SOS2: variants seen among roughly 807,000 people sequenced by gnomAD.
SOS2 encodes son of sevenless homolog 2.
In SOS2, 65 loss-of-function variants were observed where a neutral mutation model predicts 148.2. That is an observed-to-expected ratio of 0.44 (90% CI 0.36 to 0.54). The LOEUF (loss-of-function observed/expected upper bound fraction) is 0.54, where lower values mean the gene tolerates loss of function less well. Among genes scored for constraint, SOS2 ranks in the 20% least tolerant of loss-of-function variants. The pLI, the probability that SOS2 is intolerant of heterozygous loss-of-function variation, is 0.00. For missense variants in SOS2, 1,341 were observed against 1,590.2 expected, an observed-to-expected ratio of 0.84 and a Z score of 2.67; for synonymous variants, 539 against 537.1, an observed-to-expected ratio of 1.00 and a Z score of -0.05.
chr14:50,170,938 C>A (rs1198214365), intron 8 of SOS2, among the ~76,000 whole-genome samples: 1 of 151,066 alleles, frequency 6.6e-6, no homozygotes, highest in African/African-American at 2.4e-5. Context: ...CATAGTGAAA[C>A]CCTGTCTCTA....
intron 8 of SOS2, 84 bp from the exon 9 acceptor site, chr14:50,161,693 A>G (rs1885013481): frequency 7.9e-7 from 1 of 1,257,946 alleles, no homozygotes; most frequent in Non-Finnish European, 1.1e-6. Flanking sequence ...GCAGCAACAA[A>G]TATTATCAAC....
intron 1 of SOS2, among the ~76,000 whole-genome samples, chr14:50,207,572 A>C (rs1477792776): frequency 6.6e-6 from 1 of 151,732 alleles, no homozygotes; most frequent in African/African-American, 2.4e-5. Context: ...AAAAAGCCTA[A>C]GTAAAGTGTC....
At chr14:50,135,299 A>G (rs1360007482) in intron 18 of SOS2, among the ~76,000 whole-genome samples, 2 of 151,642 alleles carry the variant, frequency 1.3e-5, no homozygotes, top group African/African-American at 4.8e-5. Flanking sequence ...CTCCTCTTAA[A>G]AAAAGCCTAA....
At chr14:50,163,478 A>G (rs1018491730) in intron 8 of SOS2, among the ~76,000 whole-genome samples, 2 of 152,168 alleles carry the variant, frequency 1.3e-5, no homozygotes, top group Non-Finnish European at 2.9e-5. Context: ...ATTTTATTTC[A>G]AGACACATGT....
At chr14:50,218,188 G>A (rs1887091303) in intron 1 of SOS2, among the ~76,000 whole-genome samples, 3 of 112,338 alleles carry the variant, frequency 2.7e-5, no homozygotes, top group Admixed American at 2.1e-4. Flanking sequence ...AGTATTAAGA[G>A]AATGGTATAT....
At chr14:50,222,543 T>C (rs1887230530) in intron 1 of SOS2, among the ~76,000 whole-genome samples, 1 of 152,072 alleles carries the variant, frequency 6.6e-6, no homozygotes, top group African/African-American at 2.4e-5. Context: ...AGAGAAAATC[T>C]CTCCAAGAAA....
chr14:50,212,362 TA>T (rs1886901140), intron 1 of SOS2, among the ~76,000 whole-genome samples: 1 of 152,186 alleles, frequency 6.6e-6, no homozygotes, highest in African/African-American at 2.4e-5. Flanking sequence ...TAGTCCCAGC[TA>T]CTCGGGAGGC....
At chr14:50,147,572 G>A (rs1013209477) in intron 14 of SOS2, among the ~76,000 whole-genome samples, 11 of 149,946 alleles carry the variant, frequency 7.3e-5, no homozygotes, top group Admixed American at 4.0e-4. Flanking sequence ...ATGAATCTCC[G>A]TGTATGTTTA....
At position 50,150,239 on chromosome 14, in the gene SOS2, A is replaced by C. The variant is rs1323977339; in HGVS notation, c.2162-9T>G. The C allele has an allele frequency of 1.3e-6, 2 of 1,535,754 alleles. No homozygotes were observed. The highest frequency in any genetic ancestry group is 1.7e-5 in the Admixed American group (1 of 59,760). The stretch of plus-strand genomic sequence containing the variant: ...TTTTTTCATAGCTTTCCCTGGAAAA[A>C]GAACACATAAAGAAAAATGTCTTTT... On this transcript the variant is annotated splice_polypyrimidine_tract_variant and intron_variant, in intron 13 of 22. Transcript: ENST00000216373.
chr14:50,167,366 A>C (rs187498632), intron 8 of SOS2, among the ~76,000 whole-genome samples: 9 of 141,584 alleles, frequency 6.4e-5, no homozygotes, highest in African/African-American at 2.2e-4. Flanking sequence ...CCTTCTCTAC[A>C]AAAAATAAAA....
At chr14:50,217,289 A>T (rs1269581298) in intron 1 of SOS2, among the ~76,000 whole-genome samples, 1 of 152,232 alleles carries the variant, frequency 6.6e-6, no homozygotes, top group Non-Finnish European at 1.5e-5. Flanking sequence ...ATACAGAATT[A>T]TCACACCATA....
In SOS2 at chr14:50,215,229, A is replaced by T. The variant is rs1887011417; in HGVS notation, c.88-10820T>A. ...AGAATTAAGATAATGTCTAACTGGG[A>T]TGGATTCTTTTTCTGTGATTATGAT... On this transcript the variant is annotated intron_variant, in intron 1 of 22. Coordinates refer to ENST00000216373, the MANE Select transcript of SOS2 (RefSeq NM_006939.4). The T allele has an allele frequency of 1.6e-5, 6 of 386,034 alleles. 1 individual carries two copies. Among genetic ancestry groups the T allele is most frequent in the South Asian group, 7.4e-5 (3 of 40,802 alleles). The allele number at this position is 386,034 out of a possible 1,614,324, so 23.9% of individuals were successfully genotyped here.
chr14:50,206,990 T>C (rs1886682294), intron 1 of SOS2, among the ~76,000 whole-genome samples: 1 of 152,116 alleles, frequency 6.6e-6, no homozygotes, highest in South Asian at 2.1e-4. Context: ...CCACCATGCC[T>C]GGCCAGAAAA....
intron 1 of SOS2, among the ~76,000 whole-genome samples, chr14:50,219,502 T>C (rs888476564): frequency 3.9e-5 from 6 of 152,096 alleles, no homozygotes; most frequent in South Asian, 2.1e-4. Context: ...AACAGATTAG[T>C]GATGGCTTGG....
intron 1 of SOS2, among the ~76,000 whole-genome samples, chr14:50,207,746 A>G (rs1165829900): frequency 6.6e-6 from 1 of 151,646 alleles, no homozygotes; most frequent in Admixed American, 6.6e-5. Flanking sequence ...TCTCTACTAA[A>G]AATAAAAAAA....
At chr14:50,192,612 C>T (rs1320089733) in intron 4 of SOS2, among the ~76,000 whole-genome samples, 1 of 151,994 alleles carries the variant, frequency 6.6e-6, no homozygotes, top group Non-Finnish European at 1.5e-5. Flanking sequence ...GCCTGTAATC[C>T]TAGCACTTTG....
chr14:50,161,883 T>G (rs972517491), intron 8 of SOS2, among the ~76,000 whole-genome samples: 1 of 151,362 alleles, frequency 6.6e-6, no homozygotes, highest in Non-Finnish European at 1.5e-5. Context: ...CTCAAGTAGC[T>G]GAGACCACAG....
chr14:50,204,450 T>C, intron 1 of SOS2, 41 bp from the exon 2 acceptor site: 2 of 1,282,888 alleles, frequency 1.6e-6, no homozygotes, highest in Non-Finnish European at 2.2e-6. Flanking sequence ...GGCAAAATAA[T>C]ATAAATTGAA....
chr14:50,157,085 G>T lies in SOS2; in HGVS notation c.1971C>A (p.Asp657Glu), dbSNP rs1884845779. The change falls in exon 12 of 23, where the codon GAC (aspartate) becomes GAA (glutamate). Residue 657 changes from aspartate to glutamate, a missense_variant. Asp to Glu is a conservative substitution (Grantham distance 45, BLOSUM62 2). This residue lies in a region of SOS2 where 408 missense variants were observed against 506.6 expected (regional missense o/e 0.81). Coordinates refer to ENST00000216373, the MANE Select transcript of SOS2 (RefSeq NM_006939.4). The part of the protein sequence containing the change: ...EIPEPEPTDA[D>E]KLAIEKGEQP... ...GCTCGCCTTTCTCTATTGCCAATTT[G>T]TCTGCGTCAGTAGGTTCTGGCTCTG... The T allele has an allele frequency of 6.2e-7, 1 of 1,612,100 alleles. No individual in the cohort carries two copies. The highest frequency in any genetic ancestry group is 1.3e-5 in the African/African-American group (1 of 74,858).
Sources: allele counts gnomAD v4.1 joint callset (sites outside exome capture counted in the v4.1 genomes callset), GRCh38; gene constraint gnomAD v4.1.1; regional missense constraint gnomAD v4.1.1; transcripts MANE v1.5; gene names NCBI Gene and HGNC (gene_info 2026-07-23, HGNC 2026-07-21).